FAM193A: variants seen among roughly 807,000 people sequenced by gnomAD.
FAM193A encodes the protein family with sequence similarity 193 member A, also known as protein FAM193A.
A neutral mutation model predicts 126.5 loss-of-function variants in FAM193A; 22 were observed. The observed-to-expected ratio is 0.17, with a 90% CI of 0.12 to 0.25. FAM193A has a LOEUF of 0.25. Among genes scored for constraint, FAM193A ranks in the 10% least tolerant of loss-of-function variants. The pLI is 1.00. For missense variants in FAM193A, 1,675 were observed against 1,672.8 expected, an observed-to-expected ratio of 1.00 and a Z score of -0.02; for synonymous variants, 761 against 646.8, an observed-to-expected ratio of 1.18 and a Z score of -2.68.
intron 12 of FAM193A, among the ~76,000 whole-genome samples, chr4:2,668,785 C>CCTCTCTCTCTCTTTCT (rs1264297609): frequency 1.3e-5 from 2 of 151,082 alleles, no homozygotes; most frequent in Non-Finnish European, 3.0e-5. Context: ...TTTTCCTTTT[C>CCTCTCTCTCTCTTTCT]CTCTCTCTCT....
At chr4:2,562,810 A>G (rs149113520) in intron 1 of FAM193A, among the ~76,000 whole-genome samples, 2,663 of 151,386 alleles carry the variant, frequency 0.018, 57 homozygotes, top group African/African-American at 0.051. Context: ...TTGTATTTTT[A>G]GTAGAGACAG....
intron 1 of FAM193A, among the ~76,000 whole-genome samples, chr4:2,588,473 G>C (rs888715735): frequency 1.3e-5 from 2 of 152,166 alleles, no homozygotes; most frequent in Non-Finnish European, 2.9e-5. Flanking sequence ...TGGTTTGGCT[G>C]TCCTTGGGTC....
intron 7 of FAM193A, chr4:2,654,897 C>T (rs1711515673): frequency 2.2e-6 from 1 of 454,664 alleles, no homozygotes; most frequent in Non-Finnish European, 3.9e-6. Flanking sequence ...AATGGAGATG[C>T]CCTGTGACCA....
intron 1 of FAM193A, among the ~76,000 whole-genome samples, chr4:2,547,976 A>G (rs1737672137): frequency 6.6e-6 from 1 of 151,218 alleles, no homozygotes; most frequent in South Asian, 2.1e-4. Flanking sequence ...TTTAATTTGC[A>G]TCTCCCTGGT....
intron 1 of FAM193A, among the ~76,000 whole-genome samples, chr4:2,547,410 CAATAAT>C (rs1009106504): frequency 1.1e-4 from 17 of 151,838 alleles, no homozygotes; most frequent in Admixed American, 4.6e-4. Flanking sequence ...ATAATAATAA[CAATAAT>C]AATAATAATT....
intron 6 of FAM193A, among the ~76,000 whole-genome samples, chr4:2,643,497 A>G (rs1257829315): frequency 6.6e-6 from 1 of 152,130 alleles, no homozygotes; most frequent in Non-Finnish European, 1.5e-5. Context: ...GTTTATAACC[A>G]TTACCACCAT....
At chr4:2,714,216 T>G (rs1198188521) in intron 19 of FAM193A, among the ~76,000 whole-genome samples, 4 of 152,144 alleles carry the variant, frequency 2.6e-5, no homozygotes, top group African/African-American at 9.7e-5. Context: ...TGCATCAGTT[T>G]CCTGCATCAG....
chr4:2,539,370 A>T (rs956851998), intron 1 of FAM193A, among the ~76,000 whole-genome samples: 1 of 151,984 alleles, frequency 6.6e-6, no homozygotes, highest in Admixed American at 6.6e-5. Context: ...TGCCCACCTG[A>T]GTATTATTTT....
intron 5 of FAM193A, among the ~76,000 whole-genome samples, chr4:2,636,602 G>T (rs1223574411): frequency 1.3e-5 from 2 of 152,132 alleles, no homozygotes; most frequent in Non-Finnish European, 2.9e-5. Context: ...GATTCACTGA[G>T]TATCTTCTGG....
At chr4:2,538,935 G>C (rs191412307) in intron 1 of FAM193A, among the ~76,000 whole-genome samples, 1 of 151,960 alleles carries the variant, frequency 6.6e-6, no homozygotes, top group Admixed American at 6.6e-5. Flanking sequence ...CTGTCGCCCA[G>C]GCTGGAGTGC....
chr4:2,704,202 G>T (rs1485826967), intron 19 of FAM193A, among the ~76,000 whole-genome samples: 2 of 149,718 alleles, frequency 1.3e-5, no homozygotes, highest in Non-Finnish European at 3.0e-5. Context: ...GGTGGAGGTT[G>T]CAGTGAGCCG....
At chr4:2,719,950 T>C (rs1305979099) in intron 20 of FAM193A, 2 of 310,544 alleles carry the variant, frequency 6.4e-6, no homozygotes, top group Non-Finnish European at 1.3e-5. Flanking sequence ...GCACCATGCC[T>C]GGCTAATTTT....
chr4:2,691,090 G>A (rs542240194), intron 15 of FAM193A, 120 bp downstream of exon 15: 70 of 862,084 alleles, frequency 8.1e-5, no homozygotes, highest in African/African-American at 7.3e-4. Context: ...AGGCGTAAGT[G>A]TAATTAACTG....
chr4:2,661,297 C>G (rs140399546), intron 10 of FAM193A, among the ~76,000 whole-genome samples: 1 of 152,296 alleles, frequency 6.6e-6, no homozygotes, highest in Non-Finnish European at 1.5e-5. Context: ...TGTATTGTCT[C>G]TTTCTTGGTG....
At chr4:2,561,748 C>T (rs1183283664) in intron 1 of FAM193A, among the ~76,000 whole-genome samples, 2 of 149,840 alleles carry the variant, frequency 1.3e-5, no homozygotes, top group East Asian at 2.0e-4. Flanking sequence ...CTGCCTGCCT[C>T]GGCCTCCCAA....
chr4:2,593,052 C>T (rs1740656384), intron 1 of FAM193A, among the ~76,000 whole-genome samples: 1 of 152,080 alleles, frequency 6.6e-6, no homozygotes, highest in African/African-American at 2.4e-5. Flanking sequence ...CTGAAAGGAC[C>T]AGACTCTTCC....
At position 2,696,273 on chromosome 4, in the gene FAM193A, A is replaced by G. The variant is rs551739178; in HGVS notation, c.3277-90A>G. On this transcript the variant is annotated intron_variant, in intron 17 of 20. Coordinates refer to ENST00000637812, the MANE Select transcript of FAM193A (RefSeq NM_001366318.2). ...CACAACAAATATATACTACTTGAGTAATAAAACAGTTTATTTTTGGAGGTG... is the reference window on the plus strand; with the variant it reads ...CACAACAAATATATACTACTTGAGTGATAAAACAGTTTATTTTTGGAGGTG... The G allele has an allele frequency of 1.8e-5, 15 of 816,820 alleles. 1 individual carries two copies. In the South Asian group the frequency reaches 2.4e-4, roughly 13 times the overall value. The allele number at this position is 816,820 out of a possible 1,614,324, so 50.6% of individuals were successfully genotyped here.
intron 1 of FAM193A, among the ~76,000 whole-genome samples, chr4:2,583,157 CCTGT>C (rs1253839371): frequency 1.3e-5 from 2 of 152,162 alleles, no homozygotes; most frequent in African/African-American, 2.4e-5. Flanking sequence ...GAGACAGAAC[CCTGT>C]CTGTCTTTGA....
intron 20 of FAM193A, among the ~76,000 whole-genome samples, chr4:2,718,088 A>G (rs1156617751): frequency 6.6e-6 from 1 of 152,228 alleles, no homozygotes; most frequent in East Asian, 1.9e-4. Context: ...TAGTTTTTAA[A>G]AATCCTGAAA....
Sources: allele counts gnomAD v4.1 joint callset (sites outside exome capture counted in the v4.1 genomes callset), GRCh38; gene constraint gnomAD v4.1.1; transcripts MANE v1.5; gene names NCBI Gene and HGNC (gene_info 2026-07-23, HGNC 2026-07-21).